GANC: variants seen among roughly 807,000 people sequenced by gnomAD.
GANC encodes neutral alpha-glucosidase C.
Under a neutral mutation model 124.2 loss-of-function variants are expected in GANC, and 117 were observed. That is an observed-to-expected ratio of 0.94 (90% CI 0.81 to 1.10). GANC has a LOEUF of 1.10. Among genes scored for constraint, GANC ranks in the 50% least tolerant of loss-of-function variants. GANC has a pLI of 0.00. For synonymous variants in GANC, 377 were observed against 376.8 expected, an observed-to-expected ratio of 1.00 and a Z score of -0.01; for missense variants, 1,140 against 1,095.0, an observed-to-expected ratio of 1.04 and a Z score of -0.58.
intron 10 of GANC, among the ~76,000 whole-genome samples, chr15:42,316,211 T>A (rs2052100009): frequency 6.6e-6 from 1 of 152,106 alleles, no homozygotes; most frequent in South Asian, 2.1e-4. Flanking sequence ...CCTATGGGGC[T>A]TAGTGGGTGT....
In GANC at chr15:42,273,311, C is replaced by G. The variant is rs1595757708; in HGVS notation, c.-1171C>G. The G allele has an allele frequency of 1.2e-6, 2 of 1,614,184 alleles. No homozygotes were observed. The highest frequency in any genetic ancestry group is 1.7e-6 in the Non-Finnish European group (2 of 1,180,044). ...TCGGCAGCAGCTACGGTTGCCGGTCCCGCACTGAAAAACGACAGTGGTGAC... is the reference window on the plus strand; with the variant it reads ...TCGGCAGCAGCTACGGTTGCCGGTCGCGCACTGAAAAACGACAGTGGTGAC... On this transcript the variant is annotated 5_prime_UTR_variant, in exon 1 of 24. Coordinates refer to ENST00000318010, the MANE Select transcript of GANC (RefSeq NM_198141.3).
intron 19 of GANC, among the ~76,000 whole-genome samples, chr15:42,345,133 T>C (rs2052353807): frequency 6.6e-6 from 1 of 152,154 alleles, no homozygotes; most frequent in African/African-American, 2.4e-5. Flanking sequence ...CCCATCAAAT[T>C]ACTTTAGAGA....
intron 6 of GANC, among the ~76,000 whole-genome samples, chr15:42,297,882 G>A (rs1368461539): frequency 1.3e-5 from 2 of 151,976 alleles, no homozygotes. Flanking sequence ...TGCTTCCTGA[G>A]TGCCTACTTT....
intron 9 of GANC, 40 bp downstream of exon 9, chr15:42,310,503 G>A (rs2052040386): frequency 6.5e-7 from 1 of 1,544,206 alleles, no homozygotes; most frequent in Non-Finnish European, 8.8e-7. Flanking sequence ...ACTTAAAGAA[G>A]AAACAAAACC....
Position 42,353,546 on chromosome 15 carries a change from A to G in GANC, c.*1407A>G. 1 of 983,886 alleles carries G rather than the reference A, an allele frequency of 1.0e-6. No homozygotes were observed. Among genetic ancestry groups the G allele is most frequent in the Non-Finnish European group, 1.2e-6 (1 of 828,270 alleles). The allele number at this position is 983,886 out of a possible 1,614,324, so 60.9% of individuals were successfully genotyped here. On this transcript the variant is annotated 3_prime_UTR_variant, in exon 24 of 24. Coordinates refer to ENST00000318010, the MANE Select transcript of GANC (RefSeq NM_198141.3). Reference sequence around the variant, plus strand: ...TCTCCTACTAGATTGTATGTCCCTCAAGAGCATGTTCTGTTTCTCTTCTGT... The same window carrying G: ...TCTCCTACTAGATTGTATGTCCCTCGAGAGCATGTTCTGTTTCTCTTCTGT...
At chr15:42,283,524 C>G in intron 3 of GANC, 1 of 637,746 alleles carries the variant, frequency 1.6e-6, no homozygotes, top group Non-Finnish European at 2.8e-6. Flanking sequence ...GCAAGGATGT[C>G]TGGAGCAATC....
chr15:42,288,078 G>C (rs1027555834), intron 4 of GANC, among the ~76,000 whole-genome samples: 10 of 151,974 alleles, frequency 6.6e-5, no homozygotes, highest in African/African-American at 2.4e-4. Context: ...TATTTAACGG[G>C]GAGAAGCAGA....
At position 42,326,346 on chromosome 15, in the gene GANC, G is replaced by A; in HGVS notation, c.1342G>A (p.Val448Ile). The A allele has an allele frequency of 6.2e-7, 1 of 1,614,098 alleles. No homozygotes were observed. Among genetic ancestry groups the A allele is most frequent in the Non-Finnish European group, 8.5e-7 (1 of 1,179,996 alleles). Residue 448 changes from valine (V) to isoleucine (I), a missense_variant, in exon 12 of 24, where the codon GTA becomes ATA. Coordinates refer to ENST00000318010, the MANE Select transcript of GANC (RefSeq NM_198141.3). ...PHIKIDPDYS[V>I]YVKAKDQGFF... is the part of the protein sequence containing the mutation. ...CATCAAGATTGATCCTGACTACTCA[G>A]TATATGTGAAGGCCAAAGATCAGGG... is the stretch of plus-strand genomic sequence containing the variant.
At chr15:42,301,123 G>A (rs1161271388) in intron 6 of GANC, among the ~76,000 whole-genome samples, 1 of 152,130 alleles carries the variant, frequency 6.6e-6, no homozygotes, top group East Asian at 1.9e-4. Flanking sequence ...GATCAACACA[G>A]AAGGCAGGTG....
In GANC at chr15:42,273,453, C is replaced by G; in HGVS notation, c.-1029C>G. On this transcript the variant is annotated 5_prime_UTR_variant, in exon 1 of 24. Coordinates refer to ENST00000318010, the MANE Select transcript of GANC (RefSeq NM_198141.3). ...CATTTCACCCTCTTCCGGTTCGTCC[C>G]GCCTTCTTCCGGCTCTGCTCTAAGG... is the stretch of plus-strand genomic sequence containing the variant. The G allele has an allele frequency of 1.2e-6, 2 of 1,605,758 alleles. No individual in the cohort carries two copies. Among genetic ancestry groups the G allele is most frequent in the Non-Finnish European group, 1.7e-6 (2 of 1,176,796 alleles).
At position 42,282,281 on chromosome 15, in the gene GANC, G is replaced by A. The variant is rs116368169; in HGVS notation, c.201+3691G>A. Among the ~76,000 whole-genome samples, 1,242 of 152,084 alleles carry A rather than the reference G, an allele frequency of 8.2e-3. 9 individuals carry two copies. The highest frequency in any genetic ancestry group is 0.037 in the Middle Eastern group (11 of 294). On this transcript the variant is annotated intron_variant, in intron 3 of 23. Coordinates refer to ENST00000318010, the MANE Select transcript of GANC (RefSeq NM_198141.3). Reference sequence around the variant, plus strand: ...GGTTGCAGTGAGCCAAGATTGTGCCGCTGCACCCTCAGCCTGGGCAACACA... The same window carrying A: ...GGTTGCAGTGAGCCAAGATTGTGCCACTGCACCCTCAGCCTGGGCAACACA...
rs190569916 is a variant in GANC, at chr15:42,353,157, G to A, written c.*1018G>A. On this transcript the variant is annotated 3_prime_UTR_variant, in exon 24 of 24. Coordinates refer to ENST00000318010, the MANE Select transcript of GANC (RefSeq NM_198141.3). ...ATTACAACATACCAGTCGTGTCATG[G>A]TGCCCAAGGCTCCACAGACCTCAGT... 863 of 985,818 alleles carry A rather than the reference G, an allele frequency of 8.8e-4. 2 individuals carry two copies. The highest frequency in any genetic ancestry group is 7.3e-3 in the Middle Eastern group (14 of 1,914). The allele number at this position is 985,818 out of a possible 1,614,324, so 61.1% of individuals were successfully genotyped here.
chr15:42,305,008 T>G (rs1249854933), intron 6 of GANC, among the ~76,000 whole-genome samples: 1 of 150,300 alleles, frequency 6.7e-6, no homozygotes, highest in Non-Finnish European at 1.5e-5. Context: ...TTAAAAACCC[T>G]AGAAGAAAAC....
intron 4 of GANC, among the ~76,000 whole-genome samples, chr15:42,288,804 A>G (rs1181174032): frequency 6.6e-6 from 1 of 152,156 alleles, no homozygotes; most frequent in African/African-American, 2.4e-5. Context: ...GGTTATCGGC[A>G]TGAGCCACCA....
At chr15:42,317,563 T>G (rs1032035612) in intron 10 of GANC, among the ~76,000 whole-genome samples, 3 of 152,216 alleles carry the variant, frequency 2.0e-5, no homozygotes, top group Admixed American at 1.3e-4. Context: ...TATATATATT[T>G]TAACACAATT....
rs1372376969 is a variant in GANC at position 42,351,397 on chromosome 15, G to T, written c.2600G>T (p.Arg867Met). 8.1e-6 allele frequency: 13 copies of T among 1,614,010 alleles called. No homozygotes were observed. The highest frequency in any genetic ancestry group is 1.1e-5 in the Non-Finnish European group (13 of 1,179,914). Residue 867 changes from arginine (R) to methionine (M), a missense_variant, in exon 23 of 24, where the codon AGG becomes ATG. Physicochemically the swap from Arg to Met is moderately conservative, Grantham distance 91. Transcript: ENST00000318010. ...VVEKILVLGF[R>M]KEPSSVTTHS... ...GAGAAGATCTTGGTCTTAGGCTTCA[G>T]GAAGGAGCCATCTTCTGTGACTACC...
At chr15:42,341,431 T>G (rs2052328654) in intron 18 of GANC, among the ~76,000 whole-genome samples, 1 of 152,214 alleles carries the variant, frequency 6.6e-6, no homozygotes, top group South Asian at 2.1e-4. Context: ...ATAGGGTTTT[T>G]CTTTGGTTGA....
At chr15:42,335,722 A>G (rs940128400) in intron 15 of GANC, among the ~76,000 whole-genome samples, 10 of 152,178 alleles carry the variant, frequency 6.6e-5, no homozygotes, top group Non-Finnish European at 1.2e-4. Flanking sequence ...AAAACCCCAT[A>G]GTCTCAGCCC....
chr15:42,330,769 C>CTT, intron 15 of GANC, 97 bp downstream of exon 15: 2 of 365,342 alleles, frequency 5.5e-6, no homozygotes, highest in South Asian at 4.6e-5. Context: ...CCTTCCTTTT[C>CTT]CTTTTTTTTT....
Sources: gnomAD v4.1 joint callset for allele counts (sites outside exome capture counted in the v4.1 genomes callset) on GRCh38, gnomAD v4.1.1 for gene constraint, MANE v1.5 for transcripts, NCBI Gene and HGNC (gene_info 2026-07-23, HGNC 2026-07-21) for gene names.